The following RPRD2 variants were observed in gnomAD, a reference collection of about 807,000 sequenced individuals.
RPRD2 encodes regulation of nuclear pre-mRNA domain-containing protein 2.
RPRD2 carries 12 observed loss-of-function variants against 104.4 expected under a neutral mutation model. The observed-to-expected ratio is 0.11, with a 90% CI of 0.07 to 0.19. The LOEUF is 0.19. Ranked by LOEUF, RPRD2 falls within the 10% of genes least tolerant of loss-of-function variation. The pLI is 1.00. For synonymous variants in RPRD2, 714 were observed against 684.9 expected (o/e 1.04, Z -0.66); for missense variants, 1,543 against 1,790.1 (o/e 0.86, Z 2.49).
At chr1:150,381,555 A>C (rs1203512513) in intron 1 of RPRD2, among the ~76,000 whole-genome samples, 1 of 143,840 alleles carries the variant, frequency 7.0e-6, no homozygotes, top group Non-Finnish European at 1.5e-5. Flanking sequence ...CCCAGGCTGG[A>C]GTGCAGTGGC....
At chr1:150,414,741 G>A (rs782566407) in intron 1 of RPRD2, among the ~76,000 whole-genome samples, 9 of 152,048 alleles carry the variant, frequency 5.9e-5, no homozygotes, top group Non-Finnish European at 1.2e-4. Flanking sequence ...TGAACTGTTC[G>A]CAACATAAAT....
chr1:150,426,755 T>C (rs1314524272), intron 2 of RPRD2, among the ~76,000 whole-genome samples: 1 of 152,076 alleles, frequency 6.6e-6, no homozygotes, highest in Non-Finnish European at 1.5e-5. Context: ...GGTATAGAGT[T>C]TCAGTTTTGC....
intron 1 of RPRD2, among the ~76,000 whole-genome samples, chr1:150,396,619 T>TC (rs1464797661): frequency 6.6e-6 from 1 of 152,186 alleles, no homozygotes; most frequent in African/African-American, 2.4e-5. Flanking sequence ...GGGTGTCCTT[T>TC]CCCCACTTTA....
chr1:150,368,210 T>G (rs1165078345), intron 1 of RPRD2, among the ~76,000 whole-genome samples: 11 of 143,236 alleles, frequency 7.7e-5, no homozygotes, highest in Admixed American at 4.1e-4. Context: ...TTCTTGTTTT[T>G]TTTTTTTTTT....
rs1388599080 is a variant in RPRD2, at chr1:150,364,234, G to A, written c.-481G>A. On this transcript the variant is annotated 5_prime_UTR_variant, in exon 1 of 11. Coordinates refer to ENST00000369068, the MANE Select transcript of RPRD2 (RefSeq NM_015203.5). ...CCTTTTCTGTGCTAGCGAGTCTAAA[G>A]GAAAGAAAGATTTCTGCAACTGAAG... Among the ~76,000 whole-genome samples, 1 of 152,162 alleles carries A rather than the reference G, an allele frequency of 6.6e-6. No individual in the cohort carries two copies. The highest frequency in any genetic ancestry group is 1.5e-5 in the Non-Finnish European group (1 of 68,032).
Position 150,462,276 on chromosome 1 carries a change from C to T in RPRD2, c.1411+1959C>T, listed in dbSNP as rs145403924. 2.4e-3 allele frequency among the ~76,000 whole-genome samples: 362 copies of T among 151,286 alleles called. 2 individuals are homozygous for T. Among genetic ancestry groups the T allele is most frequent in the African/African-American group, 8.1e-3 (336 of 41,260 alleles). On this transcript the variant is annotated intron_variant, in intron 9 of 10. Transcript: ENST00000369068. The stretch of plus-strand genomic sequence containing the variant: ...CAGCCTGGGCAACAGAGCAAGACTC[C>T]GTCTCAAAAAAAGAAAAAATTCGCC...
Position 150,470,587 on chromosome 1 carries a change from A to G in RPRD2, c.1639A>G (p.Thr547Ala). The change falls in exon 11 of 11, where the codon ACT (threonine) becomes GCT (alanine). Residue 547 changes from threonine to alanine, a missense_variant. Physicochemically the swap from Thr to Ala is moderately conservative, Grantham distance 58. Around this residue, in one of 4 missense-constraint regions of RPRD2, gnomAD observed 572 missense variants for 787.3 expected, o/e 0.73. Transcript: ENST00000369068. ...QGLSSLLQSV[T>A]GNPVPASEAA... ...CCTGTCATCTTTACTTCAGAGTGTT[A>G]CTGGGAACCCAGTTCCAGCCAGTGA... 1 of 1,613,874 alleles carries G rather than the reference A, an allele frequency of 6.2e-7. No individual in the cohort carries two copies. Among genetic ancestry groups the G allele is most frequent in the African/African-American group, 1.3e-5 (1 of 75,044 alleles).
chr1:150,398,733 G>A (rs980355954), intron 1 of RPRD2, among the ~76,000 whole-genome samples: 6 of 151,628 alleles, frequency 4.0e-5, no homozygotes, highest in Admixed American at 2.0e-4. Flanking sequence ...TGTAGCAACC[G>A]GGTTTCACCA....
chr1:150,466,641 T>C (rs1570799524), intron 10 of RPRD2, among the ~76,000 whole-genome samples: 1 of 152,230 alleles, frequency 6.6e-6, no homozygotes, highest in East Asian at 1.9e-4. Context: ...TTTATTATTT[T>C]ATTAGAGTCT....
rs1668812608 is a variant in RPRD2, at chr1:150,474,903, G to A, written c.*1569G>A. The A allele has an allele frequency of 6.6e-6, 1 of 152,132 alleles. No homozygotes were observed. The highest frequency in any genetic ancestry group is 6.5e-5 in the Admixed American group (1 of 15,268). 9.4% of individuals were successfully genotyped at this position (152,132 alleles called of 1,614,324 possible). A position where few individuals can be genotyped will look rare whatever the true frequency, so the allele number is the denominator to read the frequency against. ...GATGGGGGAGGGTGGGCAATGTAGT[G>A]ACAGAAAATGATTCTCTCAGAATGA... On this transcript the variant is annotated 3_prime_UTR_variant, in exon 11 of 11. Coordinates refer to ENST00000369068, the MANE Select transcript of RPRD2 (RefSeq NM_015203.5).
intron 2 of RPRD2, among the ~76,000 whole-genome samples, chr1:150,435,857 T>C (rs1276684221): frequency 4.6e-5 from 7 of 152,216 alleles, no homozygotes; most frequent in Admixed American, 3.9e-4. Flanking sequence ...GAAGATGCCA[T>C]GTAGGACTCT....
intron 1 of RPRD2, among the ~76,000 whole-genome samples, chr1:150,398,118 AC>A (rs1328254397): frequency 3.2e-5 from 2 of 62,294 alleles, no homozygotes; most frequent in African/African-American, 1.2e-4. Context: ...ACCCCACCCC[AC>A]CCCCACCCCG....
intron 2 of RPRD2, among the ~76,000 whole-genome samples, chr1:150,439,708 G>T (rs1377978808): frequency 7.1e-6 from 1 of 141,318 alleles, no homozygotes. Flanking sequence ...TTTGTCTTTT[G>T]ATAGATCTAT....
chr1:150,467,301 C>T (rs1668341824), intron 10 of RPRD2, among the ~76,000 whole-genome samples: 1 of 152,182 alleles, frequency 6.6e-6, no homozygotes, highest in Non-Finnish European at 1.5e-5. Context: ...ATGACTGCAG[C>T]ACATGTTGTA....
At chr1:150,464,200 G>A (rs939252574) in intron 9 of RPRD2, among the ~76,000 whole-genome samples, 3 of 151,718 alleles carry the variant, frequency 2.0e-5, no homozygotes, top group Non-Finnish European at 4.4e-5. Flanking sequence ...GTAGGGACAG[G>A]GTTTCCCCAT....
intron 1 of RPRD2, among the ~76,000 whole-genome samples, chr1:150,377,597 CA>C (rs1178580863): frequency 0.011 from 1,112 of 96,874 alleles, 2 homozygotes; most frequent in Middle Eastern, 0.089. Flanking sequence ...GACTGCGTCT[CA>C]AAAAAAAAAA....
intron 1 of RPRD2, among the ~76,000 whole-genome samples, chr1:150,410,317 T>C (rs1553887384): frequency 6.6e-6 from 1 of 152,142 alleles, no homozygotes; most frequent in East Asian, 1.9e-4. Flanking sequence ...ATTTATATTT[T>C]TAAAGGATCA....
intron 1 of RPRD2, among the ~76,000 whole-genome samples, chr1:150,385,957 T>TC (rs1435826631): frequency 2.6e-5 from 4 of 152,084 alleles, no homozygotes; most frequent in Non-Finnish European, 5.9e-5. Context: ...TAGGGGAGTT[T>TC]CCTGAGTTGA....
At chr1:150,449,186 T>A (rs1157270125) in intron 7 of RPRD2, among the ~76,000 whole-genome samples, 2 of 152,196 alleles carry the variant, frequency 1.3e-5, no homozygotes, top group Non-Finnish European at 2.9e-5. Context: ...AATTGGCTAA[T>A]GGATAAGCAG....
Sources: gnomAD v4.1 joint callset for allele counts (sites outside exome capture counted in the v4.1 genomes callset) on GRCh38, gnomAD v4.1.1 for gene constraint, gnomAD v4.1.1 regional missense constraint, MANE v1.5 for transcripts, NCBI Gene and HGNC (gene_info 2026-07-23, HGNC 2026-07-21) for gene names.